GPC6: variants seen among roughly 807,000 people sequenced by gnomAD.
GPC6 encodes glypican-6.
In GPC6, 14 loss-of-function variants were observed where a neutral mutation model predicts 55.2. The observed-to-expected ratio is 0.25, with a 90% CI of 0.17 to 0.40. The LOEUF (loss-of-function observed/expected upper bound fraction) is 0.40. Ranked by LOEUF, GPC6 falls within the 10% of genes least tolerant of loss-of-function variation. The probability of loss-of-function intolerance (pLI) is 1.00; values close to 1 mark genes in which losing one functional copy is unlikely to be tolerated. For missense variants in GPC6, 641 were observed against 708.5 expected (o/e 0.90, Z 1.08); for synonymous variants, 278 against 259.6 (o/e 1.07, Z -0.68).
chr13:94,266,024 G>A (rs1891790568), intron 4 of GPC6, among the ~76,000 whole-genome samples: 1 of 152,144 alleles, frequency 6.6e-6, no homozygotes, highest in Non-Finnish European at 1.5e-5. Flanking sequence ...GCTGCTCACT[G>A]GATGTTTCCG....
chr13:94,326,718 T>C (rs952443190), intron 6 of GPC6, among the ~76,000 whole-genome samples: 1 of 152,258 alleles, frequency 6.6e-6, no homozygotes, highest in Non-Finnish European at 1.5e-5. Context: ...TGTTGTCACT[T>C]TGCAGTGAAA....
At chr13:93,532,197 AC>A (rs990919258) in intron 1 of GPC6, among the ~76,000 whole-genome samples, 4 of 152,180 alleles carry the variant, frequency 2.6e-5, no homozygotes, top group Admixed American at 6.5e-5. Flanking sequence ...ATGCATAACC[AC>A]AGTTTTCCTG....
intron 3 of GPC6, among the ~76,000 whole-genome samples, chr13:94,018,585 C>T (rs979139913): frequency 3.9e-5 from 6 of 152,148 alleles, no homozygotes; most frequent in African/African-American, 4.8e-5. Flanking sequence ...GCCACTGCAC[C>T]GGGCTGTATA....
At chr13:94,111,583 G>GT (rs1886252257) in intron 4 of GPC6, among the ~76,000 whole-genome samples, 1 of 151,616 alleles carries the variant, frequency 6.6e-6, no homozygotes, top group Non-Finnish European at 1.5e-5. Flanking sequence ...TGATATGTCA[G>GT]TGCTCCTGTG....
intron 1 of GPC6, among the ~76,000 whole-genome samples, chr13:93,287,692 C>T (rs1878181397): frequency 1.3e-5 from 2 of 152,120 alleles, no homozygotes; most frequent in African/African-American, 4.8e-5. Flanking sequence ...ACACATTTTA[C>T]TAAAGATATT....
intron 4 of GPC6, among the ~76,000 whole-genome samples, chr13:94,225,462 A>C (rs1339670213): frequency 6.6e-6 from 1 of 152,078 alleles, no homozygotes; most frequent in East Asian, 1.9e-4. Context: ...TATCCTTCTT[A>C]GTGCCTCAAA....
chr13:94,059,614 C>T (rs1884253150), intron 4 of GPC6, among the ~76,000 whole-genome samples: 1 of 152,048 alleles, frequency 6.6e-6, no homozygotes, highest in South Asian at 2.1e-4. Flanking sequence ...GTATCTTATA[C>T]ACAACAGATA....
At chr13:93,452,462 A>G (rs191041412) in intron 1 of GPC6, among the ~76,000 whole-genome samples, 30 of 152,350 alleles carry the variant, frequency 2.0e-4, no homozygotes, top group African/African-American at 5.5e-4. Flanking sequence ...TTAAAATATG[A>G]TATCTTTTGC....
At chr13:93,291,700 T>A (rs1426945023) in intron 1 of GPC6, among the ~76,000 whole-genome samples, 1 of 152,090 alleles carries the variant, frequency 6.6e-6, no homozygotes, top group Non-Finnish European at 1.5e-5. Context: ...CCTATAGCAA[T>A]CATATTAAAA....
chr13:93,313,127 T>C (rs9561304), intron 1 of GPC6, among the ~76,000 whole-genome samples: 66,079 of 152,028 alleles, frequency 0.43, 15,841 homozygotes, highest in East Asian at 0.65. Context: ...AATGCCCCTA[T>C]ACTTGTTTAT....
chr13:93,336,961 T>A (rs1880068101), intron 1 of GPC6, among the ~76,000 whole-genome samples: 1 of 152,208 alleles, frequency 6.6e-6, no homozygotes, highest in South Asian at 2.1e-4. Context: ...GCTCCTTCAA[T>A]GCAAAGATTT....
chr13:94,090,527 T>C (rs909032910), intron 4 of GPC6, among the ~76,000 whole-genome samples: 1 of 152,160 alleles, frequency 6.6e-6, no homozygotes, highest in African/African-American at 2.4e-5. Flanking sequence ...CTTCATGCTT[T>C]ATAAACTGGG....
intron 1 of GPC6, among the ~76,000 whole-genome samples, chr13:93,350,605 AG>A (rs1202420482): frequency 6.6e-6 from 1 of 152,176 alleles, no homozygotes; most frequent in Non-Finnish European, 1.5e-5. Context: ...CTGGACCTTA[AG>A]GGCCTAAATT....
chr13:93,723,277 C>T (rs1212540520), intron 2 of GPC6, among the ~76,000 whole-genome samples: 1 of 151,882 alleles, frequency 6.6e-6, no homozygotes, highest in Non-Finnish European at 1.5e-5. Context: ...TCTGGAGCAT[C>T]CAGGATGCAT....
intron 2 of GPC6, among the ~76,000 whole-genome samples, chr13:93,729,984 G>C (rs1883766883): frequency 1.3e-5 from 2 of 152,178 alleles, no homozygotes; most frequent in African/African-American, 2.4e-5. Context: ...ATCTCTGCTG[G>C]AAGTCAGGGG....
chr13:94,313,901 A>G (rs1333364807), intron 6 of GPC6, among the ~76,000 whole-genome samples: 1 of 152,204 alleles, frequency 6.6e-6, no homozygotes, highest in African/African-American at 2.4e-5. Context: ...GCATGTTGAT[A>G]TGCTTATTTT....
chr13:94,051,535 AT>A (rs1290656749), intron 4 of GPC6, among the ~76,000 whole-genome samples: 8 of 152,180 alleles, frequency 5.3e-5, no homozygotes, highest in African/African-American at 1.9e-4. Flanking sequence ...TTACGAGAGT[AT>A]GTATTTGTTT....
chr13:93,813,402 A>T (rs1886756682), intron 2 of GPC6, among the ~76,000 whole-genome samples: 1 of 152,096 alleles, frequency 6.6e-6, no homozygotes, highest in African/African-American at 2.4e-5. Context: ...TGGGTGAGAG[A>T]ACTTTGCATA....
At chr13:93,373,735 T>C (rs1459977245) in intron 1 of GPC6, among the ~76,000 whole-genome samples, 1 of 152,218 alleles carries the variant, frequency 6.6e-6, no homozygotes, top group Non-Finnish European at 1.5e-5. Context: ...AATCACATAG[T>C]TAATTCCTGA....
Sources: allele counts gnomAD v4.1 joint callset (sites outside exome capture counted in the v4.1 genomes callset), GRCh38; gene constraint gnomAD v4.1.1; transcripts MANE v1.5; gene names NCBI Gene and HGNC (gene_info 2026-07-23, HGNC 2026-07-21).